Variants in LRRC7 observed in about 807,000 individuals in gnomAD.
LRRC7 encodes the protein leucine-rich repeat-containing protein 7.
Under a neutral mutation model 175.7 loss-of-function variants are expected in LRRC7, and 23 were observed. The observed-to-expected ratio is 0.13, with a 90% CI of 0.09 to 0.19. The LOEUF is 0.19. LRRC7 is among the 10% of genes least tolerant of loss of function. The pLI is 1.00. For missense variants in LRRC7, 1,354 were observed against 1,904.7 expected (o/e 0.71, Z 5.38); for synonymous variants, 685 against 680.9 (o/e 1.01, Z -0.09).
At chr1:69,760,476 T>C in intron 3 of LRRC7, 83 bp downstream of exon 3, 1 of 1,123,746 alleles carries the variant, frequency 8.9e-7, no homozygotes, top group East Asian at 2.6e-5. Context: ...TAATGTGAAC[T>C]ATGGGCTCCT....
At chr1:69,999,281 C>A (rs17506230) in intron 11 of LRRC7, among the ~76,000 whole-genome samples, 378 of 152,264 alleles carry the variant, frequency 2.5e-3, no homozygotes, top group Non-Finnish European at 4.5e-3. Flanking sequence ...CTTGCTTGGA[C>A]AAAAGGCTTA....
chr1:69,904,310 G>T (rs1301491255), intron 7 of LRRC7, among the ~76,000 whole-genome samples: 1 of 151,970 alleles, frequency 6.6e-6, no homozygotes, highest in Non-Finnish European at 1.5e-5. Context: ...TAAAAAAGAA[G>T]AATACTAATT....
chr1:70,027,750 T>A (rs17097487), intron 17 of LRRC7, among the ~76,000 whole-genome samples: 14,707 of 152,184 alleles, frequency 0.097, 710 homozygotes, highest in South Asian at 0.13. Context: ...TCTCCTCCCA[T>A]CAGCTGCATT....
intron 7 of LRRC7, among the ~76,000 whole-genome samples, chr1:69,893,883 A>G (rs927710223): frequency 3.9e-5 from 6 of 152,168 alleles, no homozygotes; most frequent in African/African-American, 9.7e-5. Context: ...GGCCAAAGAA[A>G]GTCATGTGCA....
chr1:69,594,720 T>C (rs1219721045), intron 1 of LRRC7, among the ~76,000 whole-genome samples: 4 of 152,202 alleles, frequency 2.6e-5, no homozygotes. Context: ...AGTTGCATCT[T>C]AACTGATCTC....
chr1:69,678,620 A>G (rs943069690), intron 2 of LRRC7, 142 bp downstream of exon 2: 24 of 611,796 alleles, frequency 3.9e-5, no homozygotes, highest in African/African-American at 2.6e-4. Context: ...ATAAGTTACC[A>G]TATGTTACCT....
At chr1:69,818,676 T>C (rs747495356) in intron 4 of LRRC7, among the ~76,000 whole-genome samples, 15 of 152,136 alleles carry the variant, frequency 9.9e-5, no homozygotes, top group Non-Finnish European at 2.1e-4. Context: ...AGAAGGTTGA[T>C]ATTAATTCTC....
chr1:70,028,457 G>C (rs1176906343), intron 18 of LRRC7, 86 bp downstream of exon 18: 2 of 1,151,562 alleles, frequency 1.7e-6, no homozygotes, highest in East Asian at 5.1e-5. Flanking sequence ...GATCTTCCTT[G>C]ATAAGTGCAT....
chr1:69,639,170 G>A (rs1653828432), intron 1 of LRRC7, among the ~76,000 whole-genome samples: 2 of 151,716 alleles, frequency 1.3e-5, no homozygotes, highest in African/African-American at 2.4e-5. Flanking sequence ...AACAGATCCT[G>A]TCTAAATTAT....
At chr1:70,090,388 C>A (rs1663935335) in intron 25 of LRRC7, among the ~76,000 whole-genome samples, 1 of 152,022 alleles carries the variant, frequency 6.6e-6, no homozygotes, top group South Asian at 2.1e-4. Flanking sequence ...CTCATACTTA[C>A]CCCTGCTTGT....
At chr1:69,672,802 C>T (rs964809774) in intron 1 of LRRC7, among the ~76,000 whole-genome samples, 11 of 152,172 alleles carry the variant, frequency 7.2e-5, no homozygotes, top group Admixed American at 2.0e-4. Context: ...CCTGATCCAA[C>T]TGAGTCAGCC....
intron 7 of LRRC7, among the ~76,000 whole-genome samples, chr1:69,876,491 G>C (rs1686055413): frequency 6.6e-6 from 1 of 152,108 alleles, no homozygotes; most frequent in Admixed American, 6.6e-5. Context: ...AGGTCTAGTA[G>C]AGTAAAAATA....
chr1:70,138,315 T>C lies in LRRC7; in HGVS notation c.*16428T>C, dbSNP rs1666944931. On this transcript the variant is annotated 3_prime_UTR_variant, in exon 27 of 27. Transcript: ENST00000651989. Reference sequence around the variant, plus strand: ...GAAAAAAAAGCTCTGTATCTTTGTATATTCAGTTGTCAACATGGAGAAGCC... The same window carrying C: ...GAAAAAAAAGCTCTGTATCTTTGTACATTCAGTTGTCAACATGGAGAAGCC... The C allele has an allele frequency of 1.3e-5, 2 of 152,228 alleles. No homozygotes were observed. The highest frequency in any genetic ancestry group is 2.9e-5 in the Non-Finnish European group (2 of 68,040). The allele number at this position is 152,228 out of a possible 1,614,324, so 9.4% of individuals were successfully genotyped here.
chr1:69,808,527 G>A (rs1374957360), intron 4 of LRRC7, among the ~76,000 whole-genome samples: 4 of 152,050 alleles, frequency 2.6e-5, no homozygotes, highest in Admixed American at 6.6e-5. Flanking sequence ...ACACTTCTCA[G>A]CAAATGCAAA....
At position 70,127,142 on chromosome 1, in the gene LRRC7, C is replaced by G. The variant is rs1427931393; in HGVS notation, c.*5255C>G. On this transcript the variant is annotated 3_prime_UTR_variant, in exon 27 of 27. Coordinates refer to ENST00000651989, the MANE Select transcript of LRRC7 (RefSeq NM_001370785.2). ...ATGTTACTGACAACAACAAACAAAGCCTGTGTGCAATGGTGGGGGTGGCAA... is the reference window on the plus strand; with the variant it reads ...ATGTTACTGACAACAACAAACAAAGGCTGTGTGCAATGGTGGGGGTGGCAA... 6.6e-6 allele frequency among the ~76,000 whole-genome samples: 1 copy of G among 152,164 alleles called. No individual in the cohort carries two copies. Among genetic ancestry groups the G allele is most frequent in the Non-Finnish European group, 1.5e-5 (1 of 68,030 alleles).
At chr1:69,678,160 C>T (rs181144924) in intron 1 of LRRC7, among the ~76,000 whole-genome samples, 2 of 152,108 alleles carry the variant, frequency 1.3e-5, no homozygotes, top group East Asian at 3.9e-4. Flanking sequence ...GTTTCATACA[C>T]ATGGTGTTTT....
At chr1:69,649,427 G>A (rs774916007) in intron 1 of LRRC7, among the ~76,000 whole-genome samples, 8 of 152,122 alleles carry the variant, frequency 5.3e-5, no homozygotes, top group Non-Finnish European at 7.4e-5. Flanking sequence ...ACAGTACTAC[G>A]GAAGAAAGGA....
intron 1 of LRRC7, among the ~76,000 whole-genome samples, chr1:69,651,753 C>T (rs1291271238): frequency 6.6e-6 from 1 of 152,148 alleles, no homozygotes; most frequent in Non-Finnish European, 1.5e-5. Flanking sequence ...AATGTCCTGG[C>T]TCCCTGCTTC....
chr1:70,108,583 G>A (rs778274613), intron 26 of LRRC7, among the ~76,000 whole-genome samples: 20 of 152,106 alleles, frequency 1.3e-4, no homozygotes, highest in Admixed American at 3.3e-4. Context: ...CATTATCGAT[G>A]TATTTAAGCT....
Sources: allele counts gnomAD v4.1 joint callset (sites outside exome capture counted in the v4.1 genomes callset), GRCh38; gene constraint gnomAD v4.1.1; transcripts MANE v1.5; gene names NCBI Gene and HGNC (gene_info 2026-07-23, HGNC 2026-07-21).